The following XYLT1 variants were observed in gnomAD, a reference collection of about 807,000 sequenced individuals.
The protein encoded by XYLT1 is xylosyltransferase 1.
Under a neutral mutation model 91.3 loss-of-function variants are expected in XYLT1, and 36 were observed. That is an observed-to-expected ratio of 0.39 (90% CI 0.30 to 0.52). The LOEUF is 0.52. Among genes scored for constraint, XYLT1 ranks in the 20% least tolerant of loss-of-function variants. The pLI, the probability that XYLT1 is intolerant of heterozygous loss-of-function variation, is 0.68. For synonymous variants in XYLT1, 588 were observed against 532.0 expected (o/e 1.11, Z -1.45); for missense variants, 1,242 against 1,284.5 (o/e 0.97, Z 0.51).
At chr16:17,364,403 C>T (rs535207210) in intron 1 of XYLT1, among the ~76,000 whole-genome samples, 1 of 152,342 alleles carries the variant, frequency 6.6e-6, no homozygotes, top group South Asian at 2.1e-4. Context: ...CAGCATACCA[C>T]TGACATCATG....
intron 6 of XYLT1, among the ~76,000 whole-genome samples, chr16:17,143,683 TCA>T (rs1445764004): frequency 6.6e-6 from 1 of 152,150 alleles, no homozygotes; most frequent in Non-Finnish European, 1.5e-5. Flanking sequence ...AGCTACTCTC[TCA>T]GTCCTTACAG....
At chr16:17,270,236 G>A (rs996396606) in intron 2 of XYLT1, among the ~76,000 whole-genome samples, 1 of 152,220 alleles carries the variant, frequency 6.6e-6, no homozygotes, top group Admixed American at 6.5e-5. Flanking sequence ...CCCTTTCATA[G>A]GGTCTGGCTT....
chr16:17,152,181 G>A (rs182653339), intron 6 of XYLT1, among the ~76,000 whole-genome samples: 8 of 152,308 alleles, frequency 5.3e-5, no homozygotes, highest in Admixed American at 2.0e-4. Context: ...ATGACACTGG[G>A]AATGTACTTC....
chr16:17,431,887 T>C (rs570826112), intron 1 of XYLT1, among the ~76,000 whole-genome samples: 1 of 152,222 alleles, frequency 6.6e-6, no homozygotes, highest in African/African-American at 2.4e-5. Context: ...GAAGCAGCCA[T>C]GGCTGCGGAT....
chr16:17,449,892 A>T lies in XYLT1; in HGVS notation c.363+20542T>A, dbSNP rs952372051. 4.1e-4 allele frequency among the ~76,000 whole-genome samples: 62 copies of T among 152,316 alleles called. 1 individual carries two copies. Among genetic ancestry groups the T allele is most frequent in the African/African-American group, 1.4e-3 (60 of 41,570 alleles). ...GGGTTCCATAGCTCTCACTTTTAAG[A>T]CATCTCATCTGATCTTTCAGGCAAT... On this transcript the variant is annotated intron_variant, in intron 1 of 11. Coordinates refer to ENST00000261381, the MANE Select transcript of XYLT1 (RefSeq NM_022166.4).
chr16:17,241,806 G>GAAGGTGATAGC (rs2033349608), intron 3 of XYLT1, among the ~76,000 whole-genome samples: 1 of 152,194 alleles, frequency 6.6e-6, no homozygotes, highest in Non-Finnish European at 1.5e-5. Flanking sequence ...GCTGGAGTTG[G>GAAGGTGATAGC]AAGGTGATAG....
At position 17,109,016 on chromosome 16, in the gene XYLT1, C is replaced by T. The variant is rs1418333793; in HGVS notation, c.2559G>A (p.Glu853=). 1 of 1,506,216 alleles carries T rather than the reference C, an allele frequency of 6.6e-7. No individual in the cohort carries two copies. The highest frequency in any genetic ancestry group is 2.3e-5 in the East Asian group (1 of 43,176). The allele number at this position is 1,506,216 out of a possible 1,614,324, so 93.3% of individuals were successfully genotyped here. ...GCCCATTGTGCAGCTTCAGTGCCTC[C>T]TCTGAAAGCCAAAGGGAACAATTTC... The part of the protein sequence containing the change: ...TFSNRQPIKP[E]EALKLHNGPL... Residue 853 remains glutamate, a splice_region_variant and synonymous_variant, in exon 12 of 12, where the codon GAG becomes GAA. Coordinates refer to ENST00000261381, the MANE Select transcript of XYLT1 (RefSeq NM_022166.4).
Position 17,134,412 on chromosome 16 carries a change from G to A in XYLT1, c.2027+61C>T. ...AAAGAGGAAGAAGGACCCCCACTCT[G>A]TACCCTGAGCCTCCCCTCCTGCTTC... is the stretch of plus-strand genomic sequence containing the variant. On this transcript the variant is annotated intron_variant, in intron 9 of 11. Transcript: ENST00000261381. 1.4e-5 allele frequency: 23 copies of A among 1,592,388 alleles called. No homozygotes were observed. The South Asian group carries it at 1.5e-4, about 10-fold the overall frequency.
At chr16:17,444,248 G>T (rs557473614) in intron 1 of XYLT1, among the ~76,000 whole-genome samples, 1 of 152,184 alleles carries the variant, frequency 6.6e-6, no homozygotes, top group Non-Finnish European at 1.5e-5. Context: ...GTTTTTAGAA[G>T]ACCACTAATT....
At chr16:17,466,016 T>C (rs887542258) in intron 1 of XYLT1, among the ~76,000 whole-genome samples, 11 of 152,214 alleles carry the variant, frequency 7.2e-5, no homozygotes, top group African/African-American at 2.4e-4. Context: ...GCCTCTTTCA[T>C]TGGTGCCGGG....
At chr16:17,292,614 T>G (rs950160849) in intron 2 of XYLT1, among the ~76,000 whole-genome samples, 14 of 152,200 alleles carry the variant, frequency 9.2e-5, no homozygotes, top group Non-Finnish European at 1.9e-4. Flanking sequence ...CTGAACAGAC[T>G]GGCGATGAAG....
At chr16:17,348,566 C>G (rs2035177714) in intron 2 of XYLT1, among the ~76,000 whole-genome samples, 1 of 152,068 alleles carries the variant, frequency 6.6e-6, no homozygotes. Context: ...GCACCTTCGC[C>G]AAGGGATGTT....
At chr16:17,285,191 G>T (rs1323950711) in intron 2 of XYLT1, among the ~76,000 whole-genome samples, 2 of 152,202 alleles carry the variant, frequency 1.3e-5, no homozygotes, top group Non-Finnish European at 2.9e-5. Context: ...GAGGGAAAAT[G>T]CACAAGTGAT....
At position 17,105,809 on chromosome 16, in the gene XYLT1, G is replaced by T. The variant is rs1203722824; in HGVS notation, c.*2886C>A. 1 of 151,934 alleles carries T rather than the reference G, an allele frequency of 6.6e-6. No individual in the cohort carries two copies. Among genetic ancestry groups the T allele is most frequent in the Non-Finnish European group, 1.5e-5 (1 of 68,006 alleles). 9.4% of individuals were successfully genotyped at this position (151,934 alleles called of 1,614,324 possible). On this transcript the variant is annotated 3_prime_UTR_variant, in exon 12 of 12. Transcript: ENST00000261381. ...CCAAGCTCCAGGCTGTCTGACCAAT[G>T]GCCTCCAACAAATAAATAAATCATT...
intron 1 of XYLT1, among the ~76,000 whole-genome samples, chr16:17,435,028 C>T (rs2036438895): frequency 6.6e-6 from 1 of 152,224 alleles, no homozygotes; most frequent in Non-Finnish European, 1.5e-5. Flanking sequence ...CTTAGTTCAT[C>T]TTTCCTAGCT....
chr16:17,385,539 G>A (rs1167407835), intron 1 of XYLT1, among the ~76,000 whole-genome samples: 5 of 151,700 alleles, frequency 3.3e-5, no homozygotes, highest in African/African-American at 1.2e-4. Flanking sequence ...CACAATACAC[G>A]GTATTCTGTA....
chr16:17,455,634 T>C (rs948739318), intron 1 of XYLT1, among the ~76,000 whole-genome samples: 5 of 151,106 alleles, frequency 3.3e-5, no homozygotes, highest in African/African-American at 1.2e-4. Flanking sequence ...AAAAGGTAGA[T>C]TTAAATTGTT....
At chr16:17,148,959 A>T (rs2031210380) in intron 6 of XYLT1, among the ~76,000 whole-genome samples, 1 of 152,242 alleles carries the variant, frequency 6.6e-6, no homozygotes, top group Non-Finnish European at 1.5e-5. Flanking sequence ...TTTACTTCCT[A>T]GGCTATGAGG....
chr16:17,350,154 G>A (rs559418511), intron 2 of XYLT1, among the ~76,000 whole-genome samples: 2 of 152,150 alleles, frequency 1.3e-5, no homozygotes, highest in African/African-American at 2.4e-5. Flanking sequence ...GATTACAGGC[G>A]TGAGCCACCG....
Sources: allele counts gnomAD v4.1 joint callset (sites outside exome capture counted in the v4.1 genomes callset), GRCh38; gene constraint gnomAD v4.1.1; transcripts MANE v1.5; gene names NCBI Gene and HGNC (gene_info 2026-07-23, HGNC 2026-07-21).